The following ARPC2 variants were observed in gnomAD, a reference collection of about 807,000 sequenced individuals.
ARPC2 encodes the protein actin related protein 2/3 complex subunit 2, also known as actin-related protein 2/3 complex subunit 2.
A neutral mutation model predicts 38.6 loss-of-function variants in ARPC2; 4 were observed. The observed-to-expected ratio is 0.10, with a 90% CI of 0.05 to 0.24. The LOEUF (loss-of-function observed/expected upper bound fraction) is 0.24. Ranked by LOEUF, ARPC2 falls within the 10% of genes least tolerant of loss-of-function variation. The probability of loss-of-function intolerance (pLI) is 1.00; values close to 1 mark genes in which losing one functional copy is unlikely to be tolerated. For synonymous variants in ARPC2, 125 were observed against 140.8 expected (o/e 0.89, Z 0.79); for missense variants, 229 against 387.3 (o/e 0.59, Z 3.43).
At chr2:218,226,008 A>G (rs1057405399) in intron 3 of ARPC2, 54 bp downstream of exon 3, 1 of 1,589,400 alleles carries the variant, frequency 6.3e-7, no homozygotes. Flanking sequence ...GAAAAATAGG[A>G]AATAGGCTGG....
Position 218,239,502 on chromosome 2 carries a change from T to C in ARPC2, c.549+18T>C. 6.2e-7 allele frequency: 1 copy of C among 1,602,692 alleles called. No individual in the cohort carries two copies. The highest frequency in any genetic ancestry group is 8.6e-7 in the Non-Finnish European group (1 of 1,169,584). Reference sequence around the variant, plus strand: ...TCATGCAGGTATGGAGCAGACATCTTGGGGGAAACCCATGCATGGCGACTT... The same window carrying C: ...TCATGCAGGTATGGAGCAGACATCTCGGGGGAAACCCATGCATGGCGACTT... On this transcript the variant is annotated intron_variant, in intron 7 of 10. Transcript: ENST00000315717.
intron 8 of ARPC2, among the ~76,000 whole-genome samples, chr2:218,248,927 G>A (rs976900712): frequency 6.6e-6 from 1 of 152,168 alleles, no homozygotes; most frequent in Non-Finnish European, 1.5e-5. Context: ...TTTCTGGGAA[G>A]GTTTACTCTA....
intron 5 of ARPC2, among the ~76,000 whole-genome samples, chr2:218,237,255 C>T (rs1165503296): frequency 1.3e-5 from 2 of 151,920 alleles, no homozygotes; most frequent in Admixed American, 6.6e-5. Flanking sequence ...GCTGGAGTGC[C>T]GTGGCGCGAT....
At chr2:218,242,291 C>G (rs188015010) in intron 7 of ARPC2, among the ~76,000 whole-genome samples, 2 of 152,154 alleles carry the variant, frequency 1.3e-5, no homozygotes, top group African/African-American at 4.8e-5. Flanking sequence ...AGCAATAGGA[C>G]CAGTAATTAT....
At chr2:218,224,378 C>T (rs1284674469) in intron 2 of ARPC2, among the ~76,000 whole-genome samples, 1 of 152,154 alleles carries the variant, frequency 6.6e-6, no homozygotes, top group Non-Finnish European at 1.5e-5. Flanking sequence ...TTATAAACTC[C>T]CTGACTCTTC....
At chr2:218,246,496 C>T (rs550702706) in intron 8 of ARPC2, among the ~76,000 whole-genome samples, 1 of 152,242 alleles carries the variant, frequency 6.6e-6, no homozygotes, top group African/African-American at 2.4e-5. Context: ...CACCATTGCA[C>T]TCCAGCCTGG....
intron 7 of ARPC2, among the ~76,000 whole-genome samples, chr2:218,241,517 TCCAGA>T (rs1689916449): frequency 1.3e-5 from 2 of 152,240 alleles, no homozygotes; most frequent in African/African-American, 4.8e-5. Context: ...TTGGGCTAAA[TCCAGA>T]GTAACAAAAC....
chr2:218,221,157 CA>C (rs1458019398), intron 2 of ARPC2, among the ~76,000 whole-genome samples: 3 of 152,146 alleles, frequency 2.0e-5, no homozygotes, highest in African/African-American at 7.2e-5. Context: ...CTGTCAGATG[CA>C]AATTGCTGTT....
chr2:218,244,400 G>A (rs575175149), intron 7 of ARPC2, among the ~76,000 whole-genome samples: 1 of 152,330 alleles, frequency 6.6e-6, no homozygotes, highest in South Asian at 2.1e-4. Flanking sequence ...GCCTATTCCT[G>A]TACAGTGTGA....
chr2:218,221,804 T>G (rs1208860687), intron 2 of ARPC2, among the ~76,000 whole-genome samples: 1 of 152,214 alleles, frequency 6.6e-6, no homozygotes, highest in Non-Finnish European at 1.5e-5. Context: ...TAGGACCACC[T>G]CTTACCTAAT....
At chr2:218,239,797 T>C (rs942168593) in intron 7 of ARPC2, among the ~76,000 whole-genome samples, 1 of 151,938 alleles carries the variant, frequency 6.6e-6, no homozygotes, top group Admixed American at 6.6e-5. Context: ...TTCTCCATGT[T>C]GGTCAGGCTG....
rs1690259226 is a variant in ARPC2, at chr2:218,254,057, T to C, written c.*142T>C. The C allele has an allele frequency of 9.7e-7, 1 of 1,027,566 alleles. No individual in the cohort carries two copies. 63.7% of individuals were successfully genotyped at this position (1,027,566 alleles called of 1,614,324 possible). Reference sequence around the variant, plus strand: ...TTCCATTTTGTACACGTTTGGAAAATAATCTGCAGAAACGAGCTGTGCTTG... The same window carrying C: ...TTCCATTTTGTACACGTTTGGAAAACAATCTGCAGAAACGAGCTGTGCTTG... On this transcript the variant is annotated 3_prime_UTR_variant, in exon 11 of 11. Coordinates refer to ENST00000315717, the MANE Select transcript of ARPC2 (RefSeq NM_152862.3).
Position 218,217,200 on chromosome 2 carries a change from G to T in ARPC2, c.-63G>T, listed in dbSNP as rs1574570712. The T allele has an allele frequency of 4.5e-6, 2 of 445,256 alleles. No individual in the cohort carries two copies. Among genetic ancestry groups the T allele is most frequent in the East Asian group, 4.3e-5 (1 of 23,440 alleles). The allele number at this position is 445,256 out of a possible 1,614,324, so 27.6% of individuals were successfully genotyped here. A position where few individuals can be genotyped will look rare whatever the true frequency, so the allele number is the denominator to read the frequency against. On this transcript the variant is annotated 5_prime_UTR_variant, in exon 1 of 11. Coordinates refer to ENST00000315717, the MANE Select transcript of ARPC2 (RefSeq NM_152862.3). ...CGGGGACCGGGCTTGTCGGTGAAGC[G>T]GCAGTGGCGGCGGCGGCGGCGGCTC...
At chr2:218,251,590 A>T (rs1321731884) in intron 10 of ARPC2, among the ~76,000 whole-genome samples, 4 of 152,046 alleles carry the variant, frequency 2.6e-5, no homozygotes, top group Non-Finnish European at 4.4e-5. Context: ...AGTAGCTGGG[A>T]CCACAGGCAT....
At chr2:218,223,822 T>A (rs1689435905) in intron 2 of ARPC2, among the ~76,000 whole-genome samples, 1 of 152,228 alleles carries the variant, frequency 6.6e-6, no homozygotes, top group South Asian at 2.1e-4. Flanking sequence ...GCCTATTTAG[T>A]GGAACACTTT....
intron 2 of ARPC2, among the ~76,000 whole-genome samples, chr2:218,219,796 A>G (rs1689342900): frequency 6.6e-6 from 1 of 152,040 alleles, no homozygotes; most frequent in Non-Finnish European, 1.5e-5. Flanking sequence ...TTCAATAAGC[A>G]GGCTCAAAAC....
At chr2:218,242,786 G>C (rs762574813) in intron 7 of ARPC2, among the ~76,000 whole-genome samples, 8 of 152,140 alleles carry the variant, frequency 5.3e-5, no homozygotes, top group Non-Finnish European at 1.2e-4. Context: ...TTCTTATGAA[G>C]TGTCTCTTTA....
chr2:218,239,573 G>A, intron 7 of ARPC2, 89 bp downstream of exon 7: 2 of 1,052,266 alleles, frequency 1.9e-6, no homozygotes, highest in South Asian at 1.4e-5. Context: ...AAGAGATCTA[G>A]CAACTCTACT....
At chr2:218,250,642 C>A (rs1188457712) in intron 10 of ARPC2, among the ~76,000 whole-genome samples, 2 of 139,786 alleles carry the variant, frequency 1.4e-5, no homozygotes, top group Non-Finnish European at 3.1e-5. Context: ...CCAGCCTGAG[C>A]GACAGAGTAA....
Sources: allele counts gnomAD v4.1 joint callset (sites outside exome capture counted in the v4.1 genomes callset), GRCh38; gene constraint gnomAD v4.1.1; transcripts MANE v1.5; gene names NCBI Gene and HGNC (gene_info 2026-07-23, HGNC 2026-07-21).